The following RANBP17 variants were observed in gnomAD, a reference collection of about 807,000 sequenced individuals.
RANBP17 encodes the protein RAN binding protein 17.
RANBP17 carries 158 observed loss-of-function variants against 141.2 expected under a neutral mutation model. The observed-to-expected ratio is 1.12, with a 90% CI of 0.98 to 1.28. RANBP17 has a LOEUF of 1.28. Ranked by LOEUF, RANBP17 falls within the 50% of genes most tolerant of loss-of-function variation. The probability of loss-of-function intolerance (pLI) is 0.00; values close to 1 mark genes in which losing one functional copy is unlikely to be tolerated. For missense variants in RANBP17, 1,438 were observed against 1,290.7 expected, an observed-to-expected ratio of 1.11 and a Z score of -1.75; for synonymous variants, 430 against 450.0, an observed-to-expected ratio of 0.96 and a Z score of 0.56.
At chr5:170,981,078 T>A (rs1777735178) in intron 14 of RANBP17, among the ~76,000 whole-genome samples, 1 of 145,582 alleles carries the variant, frequency 6.9e-6, no homozygotes, top group South Asian at 2.5e-4. Context: ...CCTGCTGGAT[T>A]TCAAACTTGC....
chr5:171,151,784 G>T (rs1332091620), intron 14 of RANBP17, among the ~76,000 whole-genome samples: 1 of 152,070 alleles, frequency 6.6e-6, no homozygotes, highest in Admixed American at 6.5e-5. Context: ...AGCCAAAATT[G>T]TTGCCATTTT....
chr5:170,966,863 A>G (rs1049013055), intron 13 of RANBP17, among the ~76,000 whole-genome samples: 3 of 152,128 alleles, frequency 2.0e-5, no homozygotes, highest in African/African-American at 7.2e-5. Context: ...ATACAAAATC[A>G]ATGTACAAAA....
intron 14 of RANBP17, among the ~76,000 whole-genome samples, chr5:171,019,241 G>A (rs114189230): frequency 3.2e-3 from 491 of 152,154 alleles, no homozygotes; most frequent in Non-Finnish European, 5.3e-3. Flanking sequence ...GTGTCTTCCC[G>A]GCTTTGGTAT....
intron 12 of RANBP17, among the ~76,000 whole-genome samples, chr5:170,937,468 ACT>A (rs1773975750): frequency 6.6e-6 from 1 of 152,018 alleles, no homozygotes; most frequent in South Asian, 2.1e-4. Flanking sequence ...TGTGCCTGTA[ACT>A]CTAAATTTCA....
chr5:171,252,025 AG>A (rs1765606573), intron 24 of RANBP17: 5 of 1,606,634 alleles, frequency 3.1e-6, no homozygotes. Flanking sequence ...TGCATAGAAG[AG>A]TCAACCTAGG....
At chr5:171,271,676 T>C in intron 25 of RANBP17, 1 of 207,954 alleles carries the variant, frequency 4.8e-6, no homozygotes, top group Non-Finnish European at 9.8e-6. Flanking sequence ...AGTAGTATAT[T>C]GATATCAAAA....
intron 14 of RANBP17, among the ~76,000 whole-genome samples, chr5:171,013,589 T>A (rs1053587581): frequency 7.9e-5 from 12 of 152,080 alleles, no homozygotes; most frequent in African/African-American, 2.9e-4. Context: ...TATGTGTAGA[T>A]CTTTTTCTGA....
intron 25 of RANBP17, among the ~76,000 whole-genome samples, chr5:171,272,016 AAAAG>A (rs1561818509): frequency 6.6e-6 from 1 of 152,214 alleles, no homozygotes; most frequent in Non-Finnish European, 1.5e-5. Context: ...ACAGCCATCA[AAAAG>A]AAAGAGATCA....
At chr5:171,229,155 A>G (rs1229964415) in intron 22 of RANBP17, among the ~76,000 whole-genome samples, 1 of 152,250 alleles carries the variant, frequency 6.6e-6, no homozygotes, top group East Asian at 1.9e-4. Context: ...TAGATTGTCC[A>G]GGAACTATGG....
chr5:171,147,339 T>TTG (rs59202388), intron 14 of RANBP17, among the ~76,000 whole-genome samples: 13,161 of 104,808 alleles, frequency 0.13, 1,288 homozygotes, highest in African/African-American at 0.28. Context: ...CTTGGTTGTT[T>TTG]TGTGTGTGTG....
intron 22 of RANBP17, among the ~76,000 whole-genome samples, chr5:171,229,675 G>A (rs980290669): frequency 4.7e-5 from 7 of 150,464 alleles, no homozygotes; most frequent in South Asian, 2.1e-4. Flanking sequence ...GATTACAGGC[G>A]TGAGCCACTG....
intron 14 of RANBP17, among the ~76,000 whole-genome samples, chr5:171,005,148 C>T (rs898630748): frequency 2.6e-5 from 4 of 151,972 alleles, no homozygotes; most frequent in African/African-American, 7.2e-5. Context: ...CGGCCTTTAT[C>T]GTGAAAATGG....
chr5:171,062,575 C>T (rs1262174832), intron 14 of RANBP17, among the ~76,000 whole-genome samples: 1 of 152,164 alleles, frequency 6.6e-6, no homozygotes, highest in Admixed American at 6.5e-5. Context: ...CAACCTTTCT[C>T]TCTGGCTGCC....
chr5:171,222,246 T>C (rs1474171030), intron 22 of RANBP17, among the ~76,000 whole-genome samples: 1 of 152,332 alleles, frequency 6.6e-6, no homozygotes, highest in Middle Eastern at 3.4e-3. Flanking sequence ...AATATTTCAT[T>C]ATGAAGAACT....
chr5:170,966,495 C>A (rs560346189), intron 13 of RANBP17, among the ~76,000 whole-genome samples: 5 of 152,228 alleles, frequency 3.3e-5, no homozygotes, highest in Admixed American at 2.6e-4. Flanking sequence ...ATTCAACAAC[C>A]CTTCAAGCTA....
chr5:170,979,915 G>T (rs1581301339), intron 14 of RANBP17, among the ~76,000 whole-genome samples: 1 of 152,184 alleles, frequency 6.6e-6, no homozygotes, highest in Non-Finnish European at 1.5e-5. Flanking sequence ...ACAGTTTGGA[G>T]AGCTCAGAAG....
intron 12 of RANBP17, among the ~76,000 whole-genome samples, chr5:170,932,332 A>G (rs1175303352): frequency 1.3e-5 from 2 of 152,228 alleles, no homozygotes; most frequent in African/African-American, 4.8e-5. Context: ...TTTTCTAAAT[A>G]TACAATCATG....
At chr5:170,901,395 A>G (rs4868043) in intron 5 of RANBP17, among the ~76,000 whole-genome samples, 91,497 of 151,942 alleles carry the variant, frequency 0.6, 29,270 homozygotes, top group South Asian at 0.9. Flanking sequence ...TTTTGAGCCT[A>G]TGTGTGTAGG....
chr5:171,021,293 A>G (rs540783609), intron 14 of RANBP17, among the ~76,000 whole-genome samples: 80 of 152,020 alleles, frequency 5.3e-4, no homozygotes, highest in Non-Finnish European at 9.4e-4. Context: ...TGTTCTCTGT[A>G]TTTCCTGAAT....
Sources: allele counts gnomAD v4.1 joint callset (sites outside exome capture counted in the v4.1 genomes callset), GRCh38; gene constraint gnomAD v4.1.1; transcripts MANE v1.5; gene names NCBI Gene and HGNC (gene_info 2026-07-23, HGNC 2026-07-21).